ACTN4: variants seen among roughly 807,000 people sequenced by gnomAD.
ACTN4 encodes the protein actinin alpha 4, also known as alpha-actinin-4.
ACTN4 carries 18 observed loss-of-function variants against 114.2 expected under a neutral mutation model. The ratio of observed to expected loss-of-function variants is 0.16; its 90% CI spans 0.11 to 0.23. The LOEUF (loss-of-function observed/expected upper bound fraction) is 0.23. Ranked by LOEUF, ACTN4 falls within the 10% of genes least tolerant of loss-of-function variation. The pLI is 1.00. For synonymous variants in ACTN4, 515 were observed against 506.3 expected (o/e 1.02, Z -0.23); for missense variants, 722 against 1,262.9 (o/e 0.57, Z 6.49).
intron 1 of ACTN4, 144 bp downstream of exon 1, chr19:38,648,051 T>A: frequency 1.9e-6 from 2 of 1,027,698 alleles, no homozygotes; most frequent in Admixed American, 3.8e-5. Context: ...GGGAAGGGAA[T>A]TGGAGTCCTG....
chr19:38,669,571 G>T (rs1967069983), intron 1 of ACTN4, among the ~76,000 whole-genome samples: 1 of 152,170 alleles, frequency 6.6e-6, no homozygotes, highest in African/African-American at 2.4e-5. Context: ...TGTGGTGTGG[G>T]TGGCAGAAGC....
intron 1 of ACTN4, 135 bp from the exon 2 acceptor site, chr19:38,700,465 G>A (rs1219412104): frequency 1.3e-6 from 1 of 749,870 alleles, no homozygotes; most frequent in African/African-American, 1.7e-5. Context: ...TATCGGCCAT[G>A]TACGGTGTGT....
rs373757633 is a variant in ACTN4 at position 38,723,738 on chromosome 19, C to A, written c.1551+16C>A. 1 of 1,587,722 alleles carries A rather than the reference C, an allele frequency of 6.3e-7. No individual in the cohort carries two copies. Among genetic ancestry groups the A allele is most frequent in the Non-Finnish European group, 8.6e-7 (1 of 1,161,234 alleles). On this transcript the variant is annotated intron_variant, in intron 13 of 20. Transcript: ENST00000252699. ...AGCCCTGGAGGTGAGGAGGGGGTGA[C>A]ATCACCCACGGAGCTCTGTGCCCCT... is the stretch of plus-strand genomic sequence containing the variant.
chr19:38,688,390 C>CA (rs35793948), intron 1 of ACTN4, among the ~76,000 whole-genome samples: 13,375 of 80,912 alleles, frequency 0.17, 1,197 homozygotes, highest in Middle Eastern at 0.27. Flanking sequence ...TTGTCTCTAC[C>CA]AAAAAAAAAA....
At chr19:38,725,590 G>A (rs895693446) in intron 16 of ACTN4, 134 bp from the exon 17 acceptor site, 6 of 915,160 alleles carry the variant, frequency 6.6e-6, no homozygotes, top group African/African-American at 3.3e-5. Flanking sequence ...CCCTCCCAGG[G>A]ACCCATGGGC....
At chr19:38,679,211 C>G (rs116569792) in intron 1 of ACTN4, among the ~76,000 whole-genome samples, 1 of 152,142 alleles carries the variant, frequency 6.6e-6, no homozygotes, top group South Asian at 2.1e-4. Flanking sequence ...TCTTATTTCC[C>G]GAATACTTCT....
At chr19:38,714,364 G>C in intron 8 of ACTN4, 105 bp from the exon 9 acceptor site, 1 of 1,015,690 alleles carries the variant, frequency 9.8e-7, no homozygotes, top group South Asian at 1.3e-5. Context: ...CTTCCCCTCT[G>C]TGAGGAGTTC....
intron 1 of ACTN4, among the ~76,000 whole-genome samples, chr19:38,688,758 G>A (rs950659541): frequency 1.3e-5 from 2 of 151,982 alleles, no homozygotes; most frequent in East Asian, 1.9e-4. Flanking sequence ...ACCACAATGA[G>A]ATACCACTGC....
At chr19:38,683,123 G>A (rs896665851) in intron 1 of ACTN4, among the ~76,000 whole-genome samples, 8 of 152,242 alleles carry the variant, frequency 5.3e-5, no homozygotes, top group Non-Finnish European at 1.0e-4. Flanking sequence ...GCTCAGAGCA[G>A]TGAGTCTCCC....
chr19:38,647,952 G>A (rs965678584), intron 1 of ACTN4, 45 bp downstream of exon 1: 1 of 1,429,094 alleles, frequency 7.0e-7, no homozygotes, highest in Non-Finnish European at 9.2e-7. Flanking sequence ...CTTTTCTGAG[G>A]GGGCCCGGGG....
intron 1 of ACTN4, among the ~76,000 whole-genome samples, chr19:38,699,398 G>A (rs1313639066): frequency 1.3e-5 from 2 of 152,300 alleles, no homozygotes; most frequent in African/African-American, 2.4e-5. Flanking sequence ...GCCTGACCCC[G>A]GTGAGGGGGC....
chr19:38,677,125 A>G (rs1293472252), intron 1 of ACTN4, among the ~76,000 whole-genome samples: 1 of 151,946 alleles, frequency 6.6e-6, no homozygotes, highest in African/African-American at 2.4e-5. Context: ...CATTCTTCAG[A>G]TGGCAGTTTA....
rs138223953 is a variant in ACTN4, at chr19:38,729,427, C to T, written c.2731C>T (p.Leu911=). The change falls in exon 21 of 21, where the codon CTG becomes TTG. Residue 911 remains leucine (L), a synonymous_variant. Transcript: ENST00000252699. ...FSTALYGESD[L] is the part of the protein sequence containing the mutation. The stretch of plus-strand genomic sequence containing the variant: ...CACGGCCTTGTATGGCGAGAGCGAC[C>T]TGTGAGGCCCCAGAGACCTGACCCA... 58 of 1,612,692 alleles carry T rather than the reference C, an allele frequency of 3.6e-5. No homozygotes were observed. The highest frequency in any genetic ancestry group is 4.7e-5 in the Non-Finnish European group (55 of 1,179,972).
In ACTN4 at chr19:38,729,450, C is replaced by G; in HGVS notation, c.*18C>G. ...ACCTGTGAGGCCCCAGAGACCTGAC[C>G]CAACACCCCCGACGGCCTCCAGGAG... On this transcript the variant is annotated 3_prime_UTR_variant, in exon 21 of 21. Coordinates refer to ENST00000252699, the MANE Select transcript of ACTN4 (RefSeq NM_004924.6). 1 of 1,612,566 alleles carries G rather than the reference C, an allele frequency of 6.2e-7. No homozygotes were observed. The highest frequency in any genetic ancestry group is 8.5e-7 in the Non-Finnish European group (1 of 1,179,906).
At chr19:38,676,364 GAC>G (rs1269520197) in intron 1 of ACTN4, among the ~76,000 whole-genome samples, 6 of 152,214 alleles carry the variant, frequency 3.9e-5, no homozygotes, top group Non-Finnish European at 7.3e-5. Flanking sequence ...GATTATCTCA[GAC>G]ACAGAGTGGT....
intron 1 of ACTN4, among the ~76,000 whole-genome samples, chr19:38,666,251 C>T (rs1299058272): frequency 6.6e-6 from 1 of 151,926 alleles, no homozygotes; most frequent in Non-Finnish European, 1.5e-5. Flanking sequence ...AAATCCACAA[C>T]CTAATAAGGC....
chr19:38,669,162 T>G (rs1052709097), intron 1 of ACTN4, among the ~76,000 whole-genome samples: 1 of 152,162 alleles, frequency 6.6e-6, no homozygotes, highest in Non-Finnish European at 1.5e-5. Context: ...AATTTTTGTA[T>G]TTTTAGTAGA....
In ACTN4 at chr19:38,678,844, A is replaced by C. The variant is rs529478937; in HGVS notation, c.163-21756A>C. Among the ~76,000 whole-genome samples the C allele has an allele frequency of 9.2e-5, 14 of 152,230 alleles. No individual in the cohort carries two copies. The East Asian group carries it at 2.7e-3, about 29-fold the overall frequency. On this transcript the variant is annotated intron_variant, in intron 1 of 20. Transcript: ENST00000252699. ...AAACCCGGGACTGTTTCTCCTTTTA[A>C]ATGCAACCTTGTTCCACAGGAGAGG...
intron 12 of ACTN4, among the ~76,000 whole-genome samples, chr19:38,722,716 G>A (rs1280473533): frequency 6.6e-6 from 1 of 152,230 alleles, no homozygotes; most frequent in Non-Finnish European, 1.5e-5. Flanking sequence ...GGGTGTGGGG[G>A]TGGGACACAG....
Sources: allele counts gnomAD v4.1 joint callset (sites outside exome capture counted in the v4.1 genomes callset), GRCh38; gene constraint gnomAD v4.1.1; transcripts MANE v1.5; gene names NCBI Gene and HGNC (gene_info 2026-07-23, HGNC 2026-07-21).